KHDRBS2: variants seen among roughly 807,000 people sequenced by gnomAD.
KHDRBS2 encodes KH RNA binding domain containing, signal transduction associated 2, also known as KH domain-containing, RNA-binding, signal transduction-associated protein 2.
A neutral mutation model predicts 44.3 loss-of-function variants in KHDRBS2; 26 were observed. The ratio of observed to expected loss-of-function variants is 0.59; its 90% confidence interval spans 0.43 to 0.81. The LOEUF is 0.81. Ranked by LOEUF, KHDRBS2 falls within the 40% of genes least tolerant of loss-of-function variation. The pLI, the probability that KHDRBS2 is intolerant of heterozygous loss-of-function variation, is 0.00. For synonymous variants in KHDRBS2, 194 were observed against 151.1 expected, an observed-to-expected ratio of 1.28 and a Z score of -2.08; for missense variants, 476 against 433.1, an observed-to-expected ratio of 1.10 and a Z score of -0.88.
intron 4 of KHDRBS2, among the ~76,000 whole-genome samples, chr6:61,975,072 A>AAAGG (rs1471582112): frequency 6.6e-5 from 10 of 152,200 alleles, no homozygotes; most frequent in Non-Finnish European, 1.5e-5. Flanking sequence ...TCCACTTAAA[A>AAAGG]TGCTGAAAGT....
chr6:62,237,674 T>C (rs1418569851), intron 1 of KHDRBS2, among the ~76,000 whole-genome samples: 92 of 152,146 alleles, frequency 6.0e-4, no homozygotes, highest in Non-Finnish European at 2.6e-4. Context: ...ATACCAGTCA[T>C]TCCCACTAGA....
chr6:61,729,261 A>T (rs920543208), intron 7 of KHDRBS2, among the ~76,000 whole-genome samples: 1 of 152,108 alleles, frequency 6.6e-6, no homozygotes, highest in Non-Finnish European at 1.5e-5. Context: ...CCCACTTATA[A>T]GTGGGAGCTA....
intron 3 of KHDRBS2, among the ~76,000 whole-genome samples, chr6:62,035,209 G>A (rs1215968117): frequency 6.6e-6 from 1 of 151,872 alleles, no homozygotes; most frequent in Non-Finnish European, 1.5e-5. Flanking sequence ...ATACAGCATG[G>A]CTCACAATAG....
chr6:61,892,204 G>A (rs1320221913), intron 6 of KHDRBS2, among the ~76,000 whole-genome samples: 3 of 152,028 alleles, frequency 2.0e-5, no homozygotes, highest in African/African-American at 4.8e-5. Context: ...GGGATGTGAA[G>A]GACCTCTTCA....
At chr6:61,633,618 A>G in the KHDRBS2 span, among the ~76,000 whole-genome samples, 4 of 151,940 alleles carry the variant, frequency 2.6e-5, no homozygotes, top group Admixed American at 6.6e-5. Flanking sequence ...GAGAACATCA[A>G]CTCCTTAAAA....
rs551397593 is a variant in KHDRBS2 at position 62,222,055 on chromosome 6, A to G, written c.92-44743T>C. Among the ~76,000 whole-genome samples the G allele has an allele frequency of 1.6e-3, 243 of 152,328 alleles. 2 individuals are homozygous for G. Among genetic ancestry groups the G allele is most frequent in the Non-Finnish European group, 3.3e-3 (224 of 68,030 alleles). On this transcript the variant is annotated intron_variant, in intron 1 of 8. Transcript: ENST00000281156. Reference sequence around the variant, plus strand: ...AGTTAAGACATGTAATTCTCCATACACCATTGACCAAAGATATGATATTGA... The same window carrying G: ...AGTTAAGACATGTAATTCTCCATACGCCATTGACCAAAGATATGATATTGA...
chr6:61,724,091 A>C (rs1209554226), intron 7 of KHDRBS2, among the ~76,000 whole-genome samples: 1 of 152,164 alleles, frequency 6.6e-6, no homozygotes, highest in Non-Finnish European at 1.5e-5. Flanking sequence ...CTGCAAAGCA[A>C]AGCCTATCAG....
the KHDRBS2 span, among the ~76,000 whole-genome samples, chr6:61,612,141 T>G: frequency 3.9e-5 from 1 of 25,692 alleles, no homozygotes; most frequent in African/African-American, 1.6e-4. Flanking sequence ...TCCTATGTAA[T>G]TTTTTTTCAA....
At chr6:61,799,014 G>A (rs577545260) in intron 6 of KHDRBS2, among the ~76,000 whole-genome samples, 1 of 152,032 alleles carries the variant, frequency 6.6e-6, no homozygotes, top group East Asian at 1.9e-4. Context: ...GGAGCCAAAG[G>A]AACAGGTGAA....
chr6:61,561,962 C>A, the KHDRBS2 span, among the ~76,000 whole-genome samples: 1 of 152,130 alleles, frequency 6.6e-6, no homozygotes, highest in African/African-American at 2.4e-5. Flanking sequence ...CCAGTTATTT[C>A]TTGGCTGCTT....
At chr6:61,592,510 G>A in the KHDRBS2 span, among the ~76,000 whole-genome samples, 101 of 152,190 alleles carry the variant, frequency 6.6e-4, no homozygotes, top group African/African-American at 2.3e-3. Context: ...CTCGATAAAG[G>A]GGCAGGCCTG....
intron 6 of KHDRBS2, among the ~76,000 whole-genome samples, chr6:61,786,741 G>A (rs765105665): frequency 6.6e-6 from 1 of 151,830 alleles, no homozygotes; most frequent in Non-Finnish European, 1.5e-5. Flanking sequence ...GTCGTGGTAA[G>A]TAAACTTTTT....
At chr6:61,770,086 G>T (rs372794849) in intron 6 of KHDRBS2, among the ~76,000 whole-genome samples, 2 of 152,174 alleles carry the variant, frequency 1.3e-5, no homozygotes, top group East Asian at 3.9e-4. Context: ...GGTCTGGAGT[G>T]GACCTCTGGC....
At chr6:62,244,113 A>C (rs1835138925) in intron 1 of KHDRBS2, among the ~76,000 whole-genome samples, 1 of 152,168 alleles carries the variant, frequency 6.6e-6, no homozygotes, top group South Asian at 2.1e-4. Flanking sequence ...ACTTTAAAAA[A>C]GATTCCTGAG....
chr6:61,634,477 A>G, the KHDRBS2 span, among the ~76,000 whole-genome samples: 1 of 151,942 alleles, frequency 6.6e-6, no homozygotes, highest in African/African-American at 2.4e-5. Context: ...CTTTGATGAA[A>G]CCTGTGGTGT....
At chr6:62,006,409 TA>T (rs1356811178) in intron 3 of KHDRBS2, among the ~76,000 whole-genome samples, 1 of 151,940 alleles carries the variant, frequency 6.6e-6, no homozygotes, top group Non-Finnish European at 1.5e-5. Context: ...AAGAAATTGC[TA>T]AAAAAGTATT....
chr6:62,011,715 TG>T (rs1780326343), intron 3 of KHDRBS2, among the ~76,000 whole-genome samples: 1 of 152,160 alleles, frequency 6.6e-6, no homozygotes, highest in Non-Finnish European at 1.5e-5. Context: ...TTATGATTTT[TG>T]TGACTAATTT....
intron 6 of KHDRBS2, among the ~76,000 whole-genome samples, chr6:61,756,425 A>G (rs1778496798): frequency 6.6e-6 from 1 of 151,842 alleles, no homozygotes; most frequent in African/African-American, 2.4e-5. Context: ...ACACTTGGGT[A>G]AGTTTTGTGT....
intron 7 of KHDRBS2, among the ~76,000 whole-genome samples, chr6:61,718,233 G>A (rs1366320546): frequency 6.6e-6 from 1 of 152,014 alleles, no homozygotes; most frequent in Non-Finnish European, 1.5e-5. Flanking sequence ...TCTGACCCTT[G>A]AGGAGCTAAG....
Sources: allele counts gnomAD v4.1 joint callset (sites outside exome capture counted in the v4.1 genomes callset), GRCh38; gene constraint gnomAD v4.1.1; transcripts MANE v1.5; gene names NCBI Gene and HGNC (gene_info 2026-07-23, HGNC 2026-07-21).